ANKS1B: variants seen among roughly 807,000 people sequenced by gnomAD.
The protein encoded by ANKS1B is ankyrin repeat and sterile alpha motif domain containing 1B.
Under a neutral mutation model 148.3 loss-of-function variants are expected in ANKS1B, and 36 were observed. The ratio of observed to expected loss-of-function variants is 0.24; its 90% confidence interval spans 0.19 to 0.32. The LOEUF is 0.32. Among genes scored for constraint, ANKS1B ranks in the 10% least tolerant of loss-of-function variants. The pLI is 1.00. For synonymous variants in ANKS1B, 542 were observed against 560.8 expected, an observed-to-expected ratio of 0.97 and a Z score of 0.47; for missense variants, 1,157 against 1,542.6, an observed-to-expected ratio of 0.75 and a Z score of 4.19.
At chr12:99,156,901 CA>C (rs1202422578) in intron 14 of ANKS1B, among the ~76,000 whole-genome samples, 5 of 152,110 alleles carry the variant, frequency 3.3e-5, no homozygotes, top group Admixed American at 6.6e-5. Context: ...ATCCAAAGTA[CA>C]AAAAATTCTA....
chr12:99,059,230 A>G (rs116851276), intron 16 of ANKS1B, among the ~76,000 whole-genome samples: 2 of 152,188 alleles, frequency 1.3e-5, no homozygotes, highest in African/African-American at 4.8e-5. Context: ...TCTTCATTGG[A>G]CTGCCTACCC....
intron 14 of ANKS1B, among the ~76,000 whole-genome samples, chr12:99,176,055 G>T (rs1416963167): frequency 6.6e-6 from 1 of 151,962 alleles, no homozygotes; most frequent in Non-Finnish European, 1.5e-5. Context: ...CACCATGTTG[G>T]CCAGGCTGGT....
At chr12:99,574,074 A>G (rs747283140) in intron 9 of ANKS1B, among the ~76,000 whole-genome samples, 4 of 152,050 alleles carry the variant, frequency 2.6e-5, no homozygotes, top group African/African-American at 4.8e-5. Flanking sequence ...ATGACACCAC[A>G]CATCCAGTGT....
At chr12:99,595,424 T>G (rs1473019367) in intron 9 of ANKS1B, among the ~76,000 whole-genome samples, 2 of 151,906 alleles carry the variant, frequency 1.3e-5, no homozygotes, top group African/African-American at 4.8e-5. Flanking sequence ...GCCTGTATAT[T>G]TTATATATTC....
At chr12:99,037,541 T>C (rs917623052) in intron 17 of ANKS1B, among the ~76,000 whole-genome samples, 12 of 152,038 alleles carry the variant, frequency 7.9e-5, no homozygotes, top group Non-Finnish European at 1.0e-4. Context: ...TACTCTTGGT[T>C]GGTGAACTGA....
chr12:99,521,714 G>A (rs2096876555), intron 9 of ANKS1B, among the ~76,000 whole-genome samples: 1 of 151,318 alleles, frequency 6.6e-6, no homozygotes, highest in Admixed American at 6.6e-5. Flanking sequence ...TAGAGTCAGT[G>A]TCTCTCTCTC....
rs538765687 is a variant in ANKS1B at position 99,873,521 on chromosome 12, G to A, written c.135-48132C>T. On this transcript the variant is annotated intron_variant, in intron 1 of 26. Coordinates refer to ENST00000683438, the MANE Select transcript of ANKS1B (RefSeq NM_001352186.2). Reference sequence around the variant, plus strand: ...CATTCCCTACCCTCAGCTCTACCTCGTAGTTCCAAGCCCTTCAAATATTTA... The same window carrying A: ...CATTCCCTACCCTCAGCTCTACCTCATAGTTCCAAGCCCTTCAAATATTTA... 5.9e-5 allele frequency among the ~76,000 whole-genome samples: 9 copies of A among 152,180 alleles called. No individual in the cohort carries two copies. In the South Asian group the frequency reaches 1.0e-3, roughly 18 times the overall value.
intron 17 of ANKS1B, among the ~76,000 whole-genome samples, chr12:99,007,330 A>G (rs1005646113): frequency 2.0e-4 from 30 of 152,258 alleles, no homozygotes; most frequent in African/African-American, 5.3e-4. Flanking sequence ...ATGGAAACAG[A>G]TGTGAAGATT....
intron 9 of ANKS1B, among the ~76,000 whole-genome samples, chr12:99,523,576 C>T (rs1023103728): frequency 2.8e-4 from 35 of 124,678 alleles, no homozygotes; most frequent in East Asian, 4.5e-4. Flanking sequence ...TTTTTTGAGA[C>T]GGAGTCTCAC....
At chr12:99,816,246 T>C (rs2069121565) in intron 2 of ANKS1B, among the ~76,000 whole-genome samples, 1 of 151,972 alleles carries the variant, frequency 6.6e-6, no homozygotes, top group Non-Finnish European at 1.5e-5. Flanking sequence ...ATTAGTGACG[T>C]TGAGCACTGT....
intron 22 of ANKS1B, among the ~76,000 whole-genome samples, chr12:98,789,642 T>C (rs1199158248): frequency 6.6e-6 from 1 of 152,108 alleles, no homozygotes; most frequent in Non-Finnish European, 1.5e-5. Flanking sequence ...TCTAAGGAAA[T>C]AATCAAACCA....
At chr12:99,061,256 C>T (rs935461283) in intron 16 of ANKS1B, among the ~76,000 whole-genome samples, 2 of 152,148 alleles carry the variant, frequency 1.3e-5, no homozygotes, top group Admixed American at 6.5e-5. Context: ...AGAAGTTCCT[C>T]GACCTAGAAT....
At chr12:98,824,475 G>T (rs192094631) in intron 19 of ANKS1B, among the ~76,000 whole-genome samples, 2 of 152,172 alleles carry the variant, frequency 1.3e-5, no homozygotes, top group African/African-American at 4.8e-5. Flanking sequence ...GGTCTGAACC[G>T]ATAGTCATAT....
intron 9 of ANKS1B, among the ~76,000 whole-genome samples, chr12:99,567,161 T>C (rs1567368831): frequency 6.6e-6 from 1 of 152,194 alleles, no homozygotes; most frequent in Non-Finnish European, 1.5e-5. Flanking sequence ...ATTGGAAGAA[T>C]TCAGTTCCTT....
intron 25 of ANKS1B, among the ~76,000 whole-genome samples, chr12:98,762,545 C>G (rs1232216695): frequency 6.6e-6 from 1 of 152,184 alleles, no homozygotes; most frequent in Non-Finnish European, 1.5e-5. Context: ...TCCAAATGGC[C>G]AAGCATTTCA....
intron 12 of ANKS1B, 150 bp from the exon 13 acceptor site, chr12:99,247,014 A>G (rs531687302): frequency 6.6e-5 from 43 of 652,570 alleles, no homozygotes; most frequent in Non-Finnish European, 1.1e-4. Context: ...CCCTGACCCC[A>G]CAGTGCCATG....
At chr12:99,587,325 C>T (rs942171366) in intron 9 of ANKS1B, among the ~76,000 whole-genome samples, 2 of 152,080 alleles carry the variant, frequency 1.3e-5, no homozygotes, top group Non-Finnish European at 2.9e-5. Context: ...TGAAAAAGCC[C>T]TCTTGGTATG....
In ANKS1B at chr12:98,744,955, T is replaced by G. The variant is rs2097849912; in HGVS notation, c.*784A>C. 3.0e-6 allele frequency: 3 copies of G among 985,710 alleles called. No homozygotes were observed. In the African/African-American group the frequency reaches 5.2e-5, roughly 17 times the overall value. The allele number at this position is 985,710 out of a possible 1,614,324, so 61.1% of individuals were successfully genotyped here. Reference sequence around the variant, plus strand: ...GTCCTCTTGGTAGTAGCAGTAGAAATTTAATTATTTGAAATGAAACCAGAA... The same window carrying G: ...GTCCTCTTGGTAGTAGCAGTAGAAAGTTAATTATTTGAAATGAAACCAGAA... On this transcript the variant is annotated 3_prime_UTR_variant, in exon 27 of 27. Transcript: ENST00000683438.
intron 10 of ANKS1B, among the ~76,000 whole-genome samples, chr12:99,479,911 T>C (rs1490754524): frequency 6.6e-6 from 1 of 151,854 alleles, no homozygotes; most frequent in Admixed American, 6.6e-5. Flanking sequence ...TACAAATAAA[T>C]AGTAGGTATG....
Sources: allele counts gnomAD v4.1 joint callset (sites outside exome capture counted in the v4.1 genomes callset), GRCh38; gene constraint gnomAD v4.1.1; transcripts MANE v1.5; gene names NCBI Gene and HGNC (gene_info 2026-07-23, HGNC 2026-07-21).